Variants in PARD3 observed in about 807,000 individuals in gnomAD.
PARD3 encodes the protein partitioning defective 3 homolog.
In PARD3, 75 loss-of-function variants were observed where a neutral mutation model predicts 155.4. That is an observed-to-expected ratio of 0.48 (90% confidence interval 0.40 to 0.58). The LOEUF (loss-of-function observed/expected upper bound fraction) is 0.58, where lower values mean the gene tolerates loss of function less well. Ranked by LOEUF, PARD3 falls within the 20% of genes least tolerant of loss-of-function variation. PARD3 has a pLI of 0.00. For missense variants in PARD3, 1,642 were observed against 1,721.7 expected, an observed-to-expected ratio of 0.95 and a Z score of 0.82; for synonymous variants, 576 against 610.5, an observed-to-expected ratio of 0.94 and a Z score of 0.83.
chr10:34,419,017 C>A (rs547357572), intron 5 of PARD3, among the ~76,000 whole-genome samples: 1 of 152,236 alleles, frequency 6.6e-6, no homozygotes. Context: ...CTCAAGCAAT[C>A]CAACTACCTA....
chr10:34,691,187 G>A (rs1313755559), intron 2 of PARD3, among the ~76,000 whole-genome samples: 2 of 152,134 alleles, frequency 1.3e-5, no homozygotes, highest in African/African-American at 4.8e-5. Flanking sequence ...TCTATACCTA[G>A]AAAACCCCAC....
At chr10:34,630,044 C>T (rs1015328690) in intron 2 of PARD3, among the ~76,000 whole-genome samples, 10 of 152,254 alleles carry the variant, frequency 6.6e-5, no homozygotes, top group African/African-American at 1.9e-4. Context: ...AGCCCCTACA[C>T]AGGCTGCCTA....
intron 2 of PARD3, among the ~76,000 whole-genome samples, chr10:34,686,452 A>T (rs2093955117): frequency 6.8e-6 from 1 of 147,596 alleles, no homozygotes; most frequent in Non-Finnish European, 1.5e-5. Flanking sequence ...AAAAAAAAAT[A>T]GGGCCAGGCG....
At chr10:34,808,526 C>T (rs776907060) in intron 1 of PARD3, among the ~76,000 whole-genome samples, 16 of 152,116 alleles carry the variant, frequency 1.1e-4, no homozygotes, top group South Asian at 2.1e-4. Flanking sequence ...GAATGTTGAG[C>T]GAGTGGCCAA....
intron 12 of PARD3, among the ~76,000 whole-genome samples, chr10:34,360,765 C>T (rs1839362979): frequency 2.0e-5 from 3 of 152,086 alleles, no homozygotes. Flanking sequence ...TATATGGGTT[C>T]AGAGAGCCTC....
At chr10:34,344,244 C>G (rs955712149) in intron 15 of PARD3, 25 of 984,120 alleles carry the variant, frequency 2.5e-5, no homozygotes, top group Non-Finnish European at 2.9e-5. Context: ...GCTGACTATC[C>G]CTGTTGCTGG....
chr10:34,364,668 A>G (rs1326906969), intron 12 of PARD3, among the ~76,000 whole-genome samples: 1 of 152,170 alleles, frequency 6.6e-6, no homozygotes, highest in Non-Finnish European at 1.5e-5. Context: ...TCCTGGGCTC[A>G]AGCAATCCTC....
intron 2 of PARD3, among the ~76,000 whole-genome samples, chr10:34,536,793 C>G (rs1283143442): frequency 1.3e-5 from 2 of 152,168 alleles, no homozygotes; most frequent in Non-Finnish European, 2.9e-5. Context: ...ACTCATCACC[C>G]TGCTCTTCTA....
In PARD3 at chr10:34,334,664, T is replaced by C. The variant is rs572281888; in HGVS notation, c.2605+1535A>G. 4.6e-5 allele frequency among the ~76,000 whole-genome samples: 7 copies of C among 151,922 alleles called. 1 individual carries two copies. Among genetic ancestry groups the C allele is most frequent in the African/African-American group, 1.2e-4 (5 of 41,550 alleles). On this transcript the variant is annotated intron_variant, in intron 18 of 24. Transcript: ENST00000374788. The stretch of plus-strand genomic sequence containing the variant: ...ATGTAAAATCAACAGACCAAGTATT[T>C]TGACATCTTTGTAATAATTTTTTGC...
intron 12 of PARD3, among the ~76,000 whole-genome samples, chr10:34,366,903 T>C (rs1589321425): frequency 6.6e-6 from 1 of 152,348 alleles, no homozygotes; most frequent in East Asian, 1.9e-4. Context: ...GTGTTGATAT[T>C]ATAAAGTTCA....
chr10:34,604,908 A>G (rs1441757816), intron 2 of PARD3, among the ~76,000 whole-genome samples: 1 of 151,778 alleles, frequency 6.6e-6, no homozygotes, highest in Non-Finnish European at 1.5e-5. Context: ...ACTTTTCAAA[A>G]AAAATCTCAA....
chr10:34,446,514 T>C (rs982768431), intron 5 of PARD3, among the ~76,000 whole-genome samples: 6 of 152,094 alleles, frequency 3.9e-5, no homozygotes, highest in Admixed American at 3.3e-4. Flanking sequence ...AAATCTCATA[T>C]ATGGTAAACA....
At chr10:34,168,160 T>C (rs1163107389) in intron 22 of PARD3, among the ~76,000 whole-genome samples, 1 of 152,214 alleles carries the variant, frequency 6.6e-6, no homozygotes, top group Non-Finnish European at 1.5e-5. Context: ...TGTTCTGAGA[T>C]GTGAAGCTTA....
chr10:34,593,418 A>G (rs2088914476), intron 2 of PARD3, among the ~76,000 whole-genome samples: 1 of 152,168 alleles, frequency 6.6e-6, no homozygotes, highest in Admixed American at 6.6e-5. Flanking sequence ...ACACAAATAA[A>G]CCATACCAAT....
At chr10:34,799,718 C>T (rs746457876) in intron 1 of PARD3, among the ~76,000 whole-genome samples, 51 of 151,894 alleles carry the variant, frequency 3.4e-4, no homozygotes, top group Non-Finnish European at 6.2e-4. Context: ...CGGCTGGGTA[C>T]GGTGGCTGAC....
chr10:34,343,623 TA>T, intron 15 of PARD3: 1 of 985,400 alleles, frequency 1.0e-6, no homozygotes, highest in Non-Finnish European at 1.2e-6. Flanking sequence ...TCCAAGATTA[TA>T]CCAGGGTAAT....
chr10:34,418,692 T>C (rs1417104806), intron 5 of PARD3, among the ~76,000 whole-genome samples: 4 of 152,176 alleles, frequency 2.6e-5, no homozygotes, highest in East Asian at 1.9e-4. Flanking sequence ...ATCACTGTAG[T>C]TGACATAAAA....
At chr10:34,542,234 T>TGTGCACAC (rs1554889665) in intron 2 of PARD3, among the ~76,000 whole-genome samples, 7 of 146,198 alleles carry the variant, frequency 4.8e-5, no homozygotes, top group Admixed American at 1.4e-4. Flanking sequence ...TGTGTGTGTG[T>TGTGCACAC]GTGTGCACAC....
chr10:34,164,026 T>C (rs1949404906), intron 22 of PARD3, among the ~76,000 whole-genome samples: 1 of 152,174 alleles, frequency 6.6e-6, no homozygotes, highest in African/African-American at 2.4e-5. Flanking sequence ...AGAGTAAACA[T>C]GCACAAAATA....
Sources: allele counts gnomAD v4.1 joint callset (sites outside exome capture counted in the v4.1 genomes callset), GRCh38; gene constraint gnomAD v4.1.1; transcripts MANE v1.5; gene names NCBI Gene and HGNC (gene_info 2026-07-23, HGNC 2026-07-21).